Variants in KDM4C observed in about 807,000 individuals in gnomAD.
KDM4C encodes the protein lysine demethylase 4C.
KDM4C carries 81 observed loss-of-function variants against 129.3 expected under a neutral mutation model. The observed-to-expected ratio is 0.63, with a 90% confidence interval of 0.52 to 0.75. The LOEUF is 0.75. Ranked by LOEUF, KDM4C falls within the 30% of genes least tolerant of loss-of-function variation. KDM4C has a pLI of 0.00. For synonymous variants in KDM4C, 573 were observed against 456.1 expected (o/e 1.26, Z -3.26); for missense variants, 1,457 against 1,304.0 (o/e 1.12, Z -1.81).
In KDM4C at chr9:7,004,243, A is replaced by T. The variant is rs1447733009; in HGVS notation, c.1787-7455A>T. 5.3e-5 allele frequency among the ~76,000 whole-genome samples: 8 copies of T among 152,344 alleles called. No individual in the cohort carries two copies. In the South Asian group the frequency reaches 1.5e-3, roughly 28 times the overall value. On this transcript the variant is annotated intron_variant, in intron 12 of 21. Coordinates refer to ENST00000381309, the MANE Select transcript of KDM4C (RefSeq NM_015061.6). Reference sequence around the variant, plus strand: ...TACATGTAACAAAATTTGTTCAAAGATACTGTCCTGAGTGAGTGAACGAAT... The same window carrying T: ...TACATGTAACAAAATTTGTTCAAAGTTACTGTCCTGAGTGAGTGAACGAAT...
At chr9:7,040,369 CTGTGTGTGTGTG>C (rs527776913) in intron 15 of KDM4C, among the ~76,000 whole-genome samples, 4 of 100,392 alleles carry the variant, frequency 4.0e-5, no homozygotes, top group South Asian at 3.6e-4. Context: ...CTACCCCACT[CTGTGTGTGTGTG>C]TGTGTGTGTG....
chr9:7,107,495 A>C (rs1403442468), intron 18 of KDM4C, among the ~76,000 whole-genome samples: 1 of 152,236 alleles, frequency 6.6e-6, no homozygotes, highest in Non-Finnish European at 1.5e-5. Context: ...TTTCCTGGCA[A>C]GTTACTTAGT....
At chr9:7,110,642 C>T (rs771621888) in intron 18 of KDM4C, among the ~76,000 whole-genome samples, 1 of 152,162 alleles carries the variant, frequency 6.6e-6, no homozygotes, top group Non-Finnish European at 1.5e-5. Flanking sequence ...CACAGGGGGC[C>T]TCTGCTTTTC....
At chr9:7,112,200 A>T (rs1004541280) in intron 18 of KDM4C, among the ~76,000 whole-genome samples, 1 of 152,118 alleles carries the variant, frequency 6.6e-6, no homozygotes, top group Admixed American at 6.5e-5. Flanking sequence ...TCCTTCATCC[A>T]TGTTCCCCGG....
intron 8 of KDM4C, among the ~76,000 whole-genome samples, chr9:6,897,857 A>G (rs1816709048): frequency 6.6e-6 from 1 of 152,166 alleles, no homozygotes; most frequent in African/African-American, 2.4e-5. Flanking sequence ...CTTGATAGAG[A>G]TTTAAAAATA....
chr9:6,809,880 T>C (rs142966100), intron 3 of KDM4C, among the ~76,000 whole-genome samples: 1 of 152,196 alleles, frequency 6.6e-6, no homozygotes, highest in African/African-American at 2.4e-5. Context: ...GCCTGTAGTC[T>C]CAGGTACTCA....
At chr9:7,088,153 C>T (rs148256774) in intron 17 of KDM4C, among the ~76,000 whole-genome samples, 4 of 152,278 alleles carry the variant, frequency 2.6e-5, no homozygotes, top group African/African-American at 4.8e-5. Context: ...TTGGCTCCCC[C>T]GTATCCACTT....
chr9:7,083,711 A>G (rs117062838), intron 17 of KDM4C, among the ~76,000 whole-genome samples: 5,007 of 143,302 alleles, frequency 0.035, 154 homozygotes, highest in East Asian at 0.14. Flanking sequence ...CACATGACTG[A>G]TGTGTGTGTG....
At position 7,083,731 on chromosome 9, in the gene KDM4C, G is replaced by GTGTGTT. The variant is rs1186574455; in HGVS notation, c.2425-19949_2425-19948insTTGTGT. ...GACTGATGTGTGTGTGTGTGTGTGT[G>GTGTGTT]TGTGTGTGTGTGTGTGTCAAGGTGA... On this transcript the variant is annotated intron_variant, in intron 17 of 21. Coordinates refer to ENST00000381309, the MANE Select transcript of KDM4C (RefSeq NM_015061.6). Among the ~76,000 whole-genome samples, 7 of 151,908 alleles carry GTGTGTT rather than the reference G, an allele frequency of 4.6e-5. No individual in the cohort carries two copies. The East Asian group carries it at 1.2e-3, about 25-fold the overall frequency.
At position 7,052,551 on chromosome 9, in the gene KDM4C, C is replaced by G. The variant is rs190943717; in HGVS notation, c.2424+3351C>G. Among the ~76,000 whole-genome samples the G allele has an allele frequency of 5.3e-5, 8 of 152,272 alleles. No individual in the cohort carries two copies. In the East Asian group the frequency reaches 1.4e-3, roughly 26 times the overall value. ...TTCACACACATGTCTGCATATTGCT[C>G]TAAAGCAAGGCATTACTTTACTTAT... On this transcript the variant is annotated intron_variant, in intron 17 of 21. Transcript: ENST00000381309.
chr9:6,856,348 G>T (rs1402447334), intron 5 of KDM4C, among the ~76,000 whole-genome samples: 1 of 152,060 alleles, frequency 6.6e-6, no homozygotes, highest in African/African-American at 2.4e-5. Context: ...GTGTAAAGCT[G>T]CATTATTTTG....
intron 8 of KDM4C, among the ~76,000 whole-genome samples, chr9:6,954,019 C>T (rs1047459114): frequency 1.3e-5 from 2 of 152,160 alleles, no homozygotes; most frequent in African/African-American, 4.8e-5. Context: ...GGTCAGCAAA[C>T]CTTGCGCATA....
intron 8 of KDM4C, chr9:6,893,474 C>G (rs10975876): frequency 1.8e-4 from 55 of 305,890 alleles, no homozygotes; most frequent in African/African-American, 1.1e-3. Flanking sequence ...TAATTTGATG[C>G]GACGTGTGTT....
chr9:7,087,354 C>G (rs1185762343), intron 17 of KDM4C, among the ~76,000 whole-genome samples: 2 of 151,818 alleles, frequency 1.3e-5, no homozygotes, highest in African/African-American at 4.8e-5. Flanking sequence ...AACATACATT[C>G]ATAAAATAAT....
chr9:6,800,604 A>AT (rs1564035665), intron 2 of KDM4C, among the ~76,000 whole-genome samples: 1 of 151,956 alleles, frequency 6.6e-6, no homozygotes. Context: ...ATATCTATCT[A>AT]TTTTATTTTA....
intron 8 of KDM4C, among the ~76,000 whole-genome samples, chr9:6,917,350 A>C (rs1820508307): frequency 1.3e-5 from 2 of 152,152 alleles, no homozygotes; most frequent in South Asian, 4.1e-4. Flanking sequence ...TAGGGTTTAA[A>C]ATCCATTGAT....
intron 4 of KDM4C, among the ~76,000 whole-genome samples, chr9:6,847,681 C>T (rs533399901): frequency 1.2e-4 from 18 of 152,198 alleles, no homozygotes; most frequent in Non-Finnish European, 1.8e-4. Flanking sequence ...TGAGTCTCCG[C>T]GCCCGGCCGG....
intron 5 of KDM4C, among the ~76,000 whole-genome samples, chr9:6,877,128 T>C (rs1200472246): frequency 6.6e-6 from 1 of 152,176 alleles, no homozygotes; most frequent in African/African-American, 2.4e-5. Flanking sequence ...GTGCCAGTTA[T>C]TGCTGGTAAT....
Position 6,966,344 on chromosome 9 carries a change from A to G in KDM4C, c.922-14581A>G, listed in dbSNP as rs111323967. ...AATACAGGCGCCCGCCACTGCGCCC[A>G]GCTAATTTTTTGTATTTTTAGTAGA... On this transcript the variant is annotated intron_variant, in intron 8 of 21. Transcript: ENST00000381309. Among the ~76,000 whole-genome samples, 392 of 152,196 alleles carry G rather than the reference A, an allele frequency of 2.6e-3. 3 individuals carry two copies. The highest frequency in any genetic ancestry group is 8.6e-3 in the African/African-American group (356 of 41,510).
Sources: gnomAD v4.1 joint callset for allele counts (sites outside exome capture counted in the v4.1 genomes callset) on GRCh38, gnomAD v4.1.1 for gene constraint, MANE v1.5 for transcripts, NCBI Gene and HGNC (gene_info 2026-07-23, HGNC 2026-07-21) for gene names.